AGAP1: variants seen among roughly 807,000 people sequenced by gnomAD.
The protein encoded by AGAP1 is arf-GAP with GTPase, ANK repeat and PH domain-containing protein 1.
A neutral mutation model predicts 105.3 loss-of-function variants in AGAP1; 29 were observed. That is an observed-to-expected ratio of 0.28 (90% CI 0.21 to 0.38). AGAP1 has a LOEUF of 0.38. Ranked by LOEUF, AGAP1 falls within the 10% of genes least tolerant of loss-of-function variation. The pLI is 1.00. For missense variants in AGAP1, 998 were observed against 1,165.1 expected, an observed-to-expected ratio of 0.86 and a Z score of 2.09; for synonymous variants, 509 against 485.9, an observed-to-expected ratio of 1.05 and a Z score of -0.63.
chr2:235,775,247 G>A (rs1955774205), intron 6 of AGAP1, among the ~76,000 whole-genome samples: 1 of 152,184 alleles, frequency 6.6e-6, no homozygotes, highest in African/African-American at 2.4e-5. Context: ...CTTTGGCACA[G>A]GATTTTGTCA....
chr2:235,742,824 A>G (rs139774077), intron 4 of AGAP1, among the ~76,000 whole-genome samples: 50 of 152,352 alleles, frequency 3.3e-4, no homozygotes, highest in African/African-American at 9.6e-4. Flanking sequence ...ACAACTGAAG[A>G]GCAAGTCTTA....
At position 236,003,167 on chromosome 2, in the gene AGAP1, C is replaced by G. The variant is rs951610667; in HGVS notation, c.1646-33394C>G. Among the ~76,000 whole-genome samples the G allele has an allele frequency of 6.6e-6, 1 of 152,188 alleles. No individual in the cohort carries two copies. Among genetic ancestry groups the G allele is most frequent in the African/African-American group, 2.4e-5 (1 of 41,444 alleles). ...TCAAGCAGTTCTTGTGCCTCAACCC[C>G]CCAAGTAGCTGGGACTACAGGCACA... On this transcript the variant is annotated intron_variant, in intron 13 of 17. Transcript: ENST00000304032. The surrounding 1 kb of genome is among the most constrained non-coding windows in gnomAD (Gnocchi z 4.2).
chr2:236,119,136 C>G lies in AGAP1; in HGVS notation c.2115-1056C>G, dbSNP rs1294903924. Reference sequence around the variant, plus strand: ...TATTACACTGGCCAGGTCGGGCAGCCCCATCTCAGCCAGGTTGTGATGCTG... The same window carrying G: ...TATTACACTGGCCAGGTCGGGCAGCGCCATCTCAGCCAGGTTGTGATGCTG... On this transcript the variant is annotated intron_variant, in intron 16 of 17. Coordinates refer to ENST00000304032, the MANE Select transcript of AGAP1 (RefSeq NM_001037131.3). The surrounding 1 kb of genome is among the most constrained non-coding windows in gnomAD (Gnocchi z 6.6). Among the ~76,000 whole-genome samples, 1 of 152,088 alleles carries G rather than the reference C, an allele frequency of 6.6e-6. No homozygotes were observed.
chr2:235,863,990 C>T (rs1039664919), intron 9 of AGAP1, among the ~76,000 whole-genome samples: 8 of 152,142 alleles, frequency 5.3e-5, no homozygotes, highest in East Asian at 1.9e-4. Context: ...ATCTTTTATG[C>T]GGAGGACTTG....
chr2:235,784,573 T>A (rs1400448647), intron 6 of AGAP1, among the ~76,000 whole-genome samples: 1 of 142,648 alleles, frequency 7.0e-6, no homozygotes, highest in Non-Finnish European at 1.5e-5. Context: ...CAATGGCAAT[T>A]GATAAACTTA....
In AGAP1 at chr2:236,089,058, C is replaced by G. The variant is rs187188236; in HGVS notation, c.2115-31134C>G. ...GAAGGTACATCACCACCGTCCATCA[C>G]GTGAAGGAGTAGAAAAAGTGGGATG... On this transcript the variant is annotated intron_variant, in intron 16 of 17. Coordinates refer to ENST00000304032, the MANE Select transcript of AGAP1 (RefSeq NM_001037131.3). This position sits in a 1 kb window ranked among gnomAD's most constrained non-coding sequence, Gnocchi z 5.6. Among the ~76,000 whole-genome samples, 1 of 152,146 alleles carries G rather than the reference C, an allele frequency of 6.6e-6. No homozygotes were observed. The highest frequency in any genetic ancestry group is 1.5e-5 in the Non-Finnish European group (1 of 68,030).
At position 235,652,333 on chromosome 2, in the gene AGAP1, C is replaced by T. The variant is rs1475521160; in HGVS notation, c.164-56846C>T. On this transcript the variant is annotated intron_variant, in intron 1 of 17. Transcript: ENST00000304032. ...AGCCTTCAGCCACGCAGCCCTCAGACCCCCCCTACCCCCCAGGCCACTGTG... is the reference window on the plus strand; with the variant it reads ...AGCCTTCAGCCACGCAGCCCTCAGATCCCCCCTACCCCCCAGGCCACTGTG... Among the ~76,000 whole-genome samples, 4 of 151,890 alleles carry T rather than the reference C, an allele frequency of 2.6e-5. No homozygotes were observed. The South Asian group carries it at 6.4e-4, about 24-fold the overall frequency.
Position 235,959,038 on chromosome 2 carries a change from C to T in AGAP1, c.1484-9424C>T, listed in dbSNP as rs927266192. 2.0e-5 allele frequency among the ~76,000 whole-genome samples: 3 copies of T among 152,214 alleles called. No homozygotes were observed. The highest frequency in any genetic ancestry group is 4.8e-5 in the African/African-American group (2 of 41,458). On this transcript the variant is annotated intron_variant, in intron 12 of 17. Transcript: ENST00000304032. The surrounding 1 kb of genome is among the most constrained non-coding windows in gnomAD (Gnocchi z 7.3). Reference sequence around the variant, plus strand: ...ATGGTGCCGGCCCATCCCGGCTCAGCGCCGCGCAGCTCGGGACCCCAGTCC... The same window carrying T: ...ATGGTGCCGGCCCATCCCGGCTCAGTGCCGCGCAGCTCGGGACCCCAGTCC...
chr2:235,499,901 G>T (rs754862576), intron 1 of AGAP1, among the ~76,000 whole-genome samples: 1 of 152,158 alleles, frequency 6.6e-6, no homozygotes, highest in Non-Finnish European at 1.5e-5. Flanking sequence ...TTGTTGGCTG[G>T]CTGACTTGCC....
In AGAP1 at chr2:235,596,232, C is replaced by T. The variant is rs887182643; in HGVS notation, c.163+101383C>T. Reference sequence around the variant, plus strand: ...AAGGTGATTAAACGGAGTCAGAACCCGGCCATGGATGTGTATTCACTGTTA... The same window carrying T: ...AAGGTGATTAAACGGAGTCAGAACCTGGCCATGGATGTGTATTCACTGTTA... On this transcript the variant is annotated intron_variant, in intron 1 of 17. Coordinates refer to ENST00000304032, the MANE Select transcript of AGAP1 (RefSeq NM_001037131.3). This position sits in a 1 kb window ranked among gnomAD's most constrained non-coding sequence, Gnocchi z 5.9. 2.6e-5 allele frequency among the ~76,000 whole-genome samples: 4 copies of T among 152,202 alleles called. No individual in the cohort carries two copies. The highest frequency in any genetic ancestry group is 7.2e-5 in the African/African-American group (3 of 41,440).
At chr2:235,806,459 C>CA (rs1330277140) in intron 8 of AGAP1, among the ~76,000 whole-genome samples, 1 of 152,116 alleles carries the variant, frequency 6.6e-6, no homozygotes, top group African/African-American at 2.4e-5. Context: ...TTCAGTTTTA[C>CA]CCAAGTCAAG....
rs769177168 is a variant in AGAP1, at chr2:236,002,772, AATTC to A, written c.1646-33785_1646-33782del. ...ATTTTACCAAAAGTTTCAGAAGTCC[AATTC>A]ATTATTAGATTTCTATAAATATAAA... On this transcript the variant is annotated intron_variant, in intron 13 of 17. Coordinates refer to ENST00000304032, the MANE Select transcript of AGAP1 (RefSeq NM_001037131.3). The surrounding 1 kb of genome is among the most constrained non-coding windows in gnomAD (Gnocchi z 4.3). 1.3e-5 allele frequency among the ~76,000 whole-genome samples: 2 copies of A among 152,214 alleles called. No homozygotes were observed. The highest frequency in any genetic ancestry group is 2.9e-5 in the Non-Finnish European group (2 of 68,042).
chr2:235,939,819 C>T (rs1403557102), intron 12 of AGAP1, among the ~76,000 whole-genome samples: 1 of 152,116 alleles, frequency 6.6e-6, no homozygotes, highest in Non-Finnish European at 1.5e-5. Flanking sequence ...TGTCATCCTC[C>T]TTTACCAGCA....
At chr2:236,084,231 G>C (rs1351675348) in intron 16 of AGAP1, among the ~76,000 whole-genome samples, 1 of 150,754 alleles carries the variant, frequency 6.6e-6, no homozygotes, top group Non-Finnish European at 1.5e-5. Context: ...GGCGGGGGGG[G>C]GTCTCTGCGG....
rs1219442737 is a variant in AGAP1 at position 235,875,647 on chromosome 2, G to T, written c.1051-7698G>T. Among the ~76,000 whole-genome samples the T allele has an allele frequency of 6.6e-6, 1 of 152,170 alleles. No homozygotes were observed. Among genetic ancestry groups the T allele is most frequent in the African/African-American group, 2.4e-5 (1 of 41,446 alleles). On this transcript the variant is annotated intron_variant, in intron 9 of 17. Transcript: ENST00000304032. The surrounding 1 kb of genome is among the most constrained non-coding windows in gnomAD (Gnocchi z 4.0). ...GCTTCTCTCCCCAGCTTTCCCGGGA[G>T]TGTGTGGTCTCCTGTTTCCCATCTG...
At chr2:235,892,583 A>C (rs1006516924) in intron 10 of AGAP1, among the ~76,000 whole-genome samples, 168 of 48,164 alleles carry the variant, frequency 3.5e-3, no homozygotes, top group African/African-American at 0.013. Flanking sequence ...ATCATTCAAG[A>C]AAAAAAAAAA....
intron 1 of AGAP1, among the ~76,000 whole-genome samples, chr2:235,498,140 G>T (rs983696686): frequency 6.6e-6 from 1 of 152,260 alleles, no homozygotes; most frequent in East Asian, 1.9e-4. Flanking sequence ...ACATATTTTA[G>T]TTGAAAGGCC....
intron 1 of AGAP1, among the ~76,000 whole-genome samples, chr2:235,654,737 T>A (rs965839965): frequency 1.3e-5 from 2 of 152,200 alleles, no homozygotes; most frequent in African/African-American, 4.8e-5. Flanking sequence ...TTTTTTTTTC[T>A]CTTATCAAAT....
intron 1 of AGAP1, among the ~76,000 whole-genome samples, chr2:235,592,531 A>G (rs528378356): frequency 6.6e-6 from 1 of 151,974 alleles, no homozygotes; most frequent in African/African-American, 2.4e-5. Flanking sequence ...GGCTTGTGGC[A>G]TGAGCTCTTG....
Sources: gnomAD v4.1 joint callset for allele counts (sites outside exome capture counted in the v4.1 genomes callset) on GRCh38, gnomAD v4.1.1 for gene constraint, Gnocchi (gnomAD v3.1) non-coding constraint, MANE v1.5 for transcripts, NCBI Gene and HGNC (gene_info 2026-07-23, HGNC 2026-07-21) for gene names.